Variants in TENM3 observed in about 807,000 individuals in gnomAD.
The protein encoded by TENM3 is teneurin-3.
A neutral mutation model predicts 255.1 loss-of-function variants in TENM3; 63 were observed. That is an observed-to-expected ratio of 0.25 (90% CI 0.20 to 0.30). The LOEUF (loss-of-function observed/expected upper bound fraction) is 0.30, where lower values mean the gene tolerates loss of function less well. Among genes scored for constraint, TENM3 ranks in the 10% least tolerant of loss-of-function variants. The pLI is 1.00. For synonymous variants in TENM3, 1,306 were observed against 1,322.3 expected, an observed-to-expected ratio of 0.99 and a Z score of 0.27; for missense variants, 2,929 against 3,461.1, an observed-to-expected ratio of 0.85 and a Z score of 3.86.
At chr4:182,212,757 A>G (rs1278334624) in intron 1 of TENM3, among the ~76,000 whole-genome samples, 1 of 152,226 alleles carries the variant, frequency 6.6e-6, no homozygotes, top group Non-Finnish European at 1.5e-5. Context: ...TAGTGTGACA[A>G]GTGGAAGAAA....
the TENM3 span, among the ~76,000 whole-genome samples, chr4:181,693,711 C>T: frequency 1.3e-5 from 2 of 152,172 alleles, no homozygotes; most frequent in East Asian, 1.9e-4. Context: ...CTCCGTGGTG[C>T]CTAGGTCAAC....
the TENM3 span, among the ~76,000 whole-genome samples, chr4:181,542,269 C>G: frequency 1.3e-5 from 2 of 152,200 alleles, no homozygotes; most frequent in East Asian, 3.9e-4. Context: ...GTGGGGACTC[C>G]GTTGATCTGG....
At chr4:181,967,213 A>G in the TENM3 span, among the ~76,000 whole-genome samples, 1 of 152,118 alleles carries the variant, frequency 6.6e-6, no homozygotes, top group Non-Finnish European at 1.5e-5. Context: ...TTTGAGATAC[A>G]TGGGGCGCAG....
At chr4:182,368,198 G>A (rs759517013) in intron 3 of TENM3, among the ~76,000 whole-genome samples, 1 of 152,190 alleles carries the variant, frequency 6.6e-6, no homozygotes, top group African/African-American at 2.4e-5. Context: ...TGAGGGTTTT[G>A]CAGCTGATAT....
the TENM3 span, among the ~76,000 whole-genome samples, chr4:181,793,745 C>T: frequency 6.6e-6 from 1 of 152,166 alleles, no homozygotes; most frequent in African/African-American, 2.4e-5. Context: ...CTGGCTTTCC[C>T]ATACATACAA....
rs557196883 is a variant in TENM3 at position 182,321,600 on chromosome 4, T to G, written c.-75-2346T>G. On this transcript the variant is annotated intron_variant, in intron 1 of 27. Transcript: ENST00000511685. ...AAGATTGTGCCACTGCACTCCAGAC[T>G]GGGCAACAGAGCAAGACTCTGTCTC... is the stretch of plus-strand genomic sequence containing the variant. 9.2e-5 allele frequency among the ~76,000 whole-genome samples: 14 copies of G among 152,016 alleles called. No homozygotes were observed. The East Asian group carries it at 2.5e-3, about 27-fold the overall frequency.
intron 3 of TENM3, among the ~76,000 whole-genome samples, chr4:182,351,672 C>T (rs1344893539): frequency 6.6e-6 from 1 of 152,196 alleles, no homozygotes; most frequent in African/African-American, 2.4e-5. Context: ...TCCACCTCCT[C>T]GTGACTCAGG....
chr4:181,732,830 CATGGAGCATTTTAAGAACCACTAAATT>C, the TENM3 span, among the ~76,000 whole-genome samples: 1 of 152,106 alleles, frequency 6.6e-6, no homozygotes, highest in African/African-American at 2.4e-5. Context: ...AAATAGAACA[CATGGAGCATTTTAAGAACCACTAAATT>C]ACTTTCAAAC....
chr4:181,965,847 G>A, the TENM3 span, among the ~76,000 whole-genome samples: 1 of 152,174 alleles, frequency 6.6e-6, no homozygotes, highest in South Asian at 2.1e-4. Flanking sequence ...GTGGCTCTGT[G>A]TGTTCTCTCT....
At chr4:182,092,662 C>T in the TENM3 span, among the ~76,000 whole-genome samples, 30 of 152,236 alleles carry the variant, frequency 2.0e-4, no homozygotes, top group African/African-American at 7.2e-4. Flanking sequence ...TAAAAATAAA[C>T]ATAAATCTAT....
chr4:181,673,862 G>C, the TENM3 span, among the ~76,000 whole-genome samples: 4 of 149,760 alleles, frequency 2.7e-5, no homozygotes, highest in African/African-American at 1.0e-4. Flanking sequence ...GTGTGTGTGT[G>C]TGTGTGTGTG....
chr4:182,464,446 A>T (rs1277867415), intron 3 of TENM3, among the ~76,000 whole-genome samples: 1 of 152,028 alleles, frequency 6.6e-6, no homozygotes, highest in Non-Finnish European at 1.5e-5. Flanking sequence ...TAGTAGAGAC[A>T]GGGTTTCACC....
At chr4:181,502,219 C>T in the TENM3 span, among the ~76,000 whole-genome samples, 1 of 152,180 alleles carries the variant, frequency 6.6e-6, no homozygotes, top group Non-Finnish European at 1.5e-5. Context: ...TCAAAGCCCA[C>T]AGAATGTACA....
the TENM3 span, among the ~76,000 whole-genome samples, chr4:181,681,503 A>C: frequency 6.6e-6 from 1 of 152,068 alleles, no homozygotes; most frequent in Non-Finnish European, 1.5e-5. Flanking sequence ...CCACAACTAG[A>C]AAGTATTTTT....
chr4:182,098,963 C>CTTTTTTT, the TENM3 span, among the ~76,000 whole-genome samples: 1 of 131,230 alleles, frequency 7.6e-6, no homozygotes, highest in Non-Finnish European at 1.6e-5. Flanking sequence ...CTCTTTTTTT[C>CTTTTTTT]TTTTTTTTTT....
At chr4:182,047,560 C>CA in the TENM3 span, among the ~76,000 whole-genome samples, 27,058 of 72,058 alleles carry the variant, frequency 0.38, 6,063 homozygotes, top group East Asian at 0.57. Flanking sequence ...GACTCCATCT[C>CA]AAAAAAAAAA....
At chr4:182,699,315 A>G (rs776993102) in intron 12 of TENM3, among the ~76,000 whole-genome samples, 1 of 152,164 alleles carries the variant, frequency 6.6e-6, no homozygotes, top group Non-Finnish European at 1.5e-5. Flanking sequence ...GAGGATTTGT[A>G]TTGTTTTTTG....
At chr4:181,586,464 C>G in the TENM3 span, among the ~76,000 whole-genome samples, 1 of 152,108 alleles carries the variant, frequency 6.6e-6, no homozygotes, top group Non-Finnish European at 1.5e-5. Context: ...GAAGAGACGA[C>G]GACCAGGCAA....
At chr4:181,665,902 G>T in the TENM3 span, among the ~76,000 whole-genome samples, 4 of 151,806 alleles carry the variant, frequency 2.6e-5, no homozygotes, top group Admixed American at 6.6e-5. Flanking sequence ...ATAAAATAAA[G>T]TAATTAATAT....
Sources: allele counts gnomAD v4.1 joint callset (sites outside exome capture counted in the v4.1 genomes callset), GRCh38; gene constraint gnomAD v4.1.1; transcripts MANE v1.5; gene names NCBI Gene and HGNC (gene_info 2026-07-23, HGNC 2026-07-21).